The following ACMSD variants were observed in gnomAD, a reference collection of about 807,000 sequenced individuals.
ACMSD encodes aminocarboxymuconate semialdehyde decarboxylase.
A neutral mutation model predicts 45.9 loss-of-function variants in ACMSD; 37 were observed. The ratio of observed to expected loss-of-function variants is 0.81; its 90% CI spans 0.62 to 1.06. The LOEUF (loss-of-function observed/expected upper bound fraction) is 1.06. Ranked by LOEUF, ACMSD falls within the 50% of genes least tolerant of loss-of-function variation. The pLI, the probability that ACMSD is intolerant of heterozygous loss-of-function variation, is 0.00. For missense variants in ACMSD, 434 were observed against 420.9 expected, an observed-to-expected ratio of 1.03 and a Z score of -0.27; for synonymous variants, 138 against 148.8, an observed-to-expected ratio of 0.93 and a Z score of 0.53.
intron 1 of ACMSD, among the ~76,000 whole-genome samples, chr2:134,843,701 A>C (rs986373060): frequency 6.6e-6 from 1 of 152,222 alleles, no homozygotes; most frequent in Non-Finnish European, 1.5e-5. Flanking sequence ...ACCGCTGACC[A>C]ACTCAGAGCC....
At chr2:134,872,424 C>G in intron 7 of ACMSD, 45 bp from the exon 8 acceptor site, 1 of 1,611,080 alleles carries the variant, frequency 6.2e-7, no homozygotes, top group Non-Finnish European at 8.5e-7. Flanking sequence ...TAAAGGAATC[C>G]TTTACAATCA....
At chr2:134,888,462 G>C (rs2104940574) in intron 8 of ACMSD, among the ~76,000 whole-genome samples, 1 of 152,118 alleles carries the variant, frequency 6.6e-6, no homozygotes, top group African/African-American at 2.4e-5. Context: ...TTTACTCCTA[G>C]GTATTTACCT....
intron 2 of ACMSD, among the ~76,000 whole-genome samples, chr2:134,854,251 A>G (rs993057330): frequency 1.3e-5 from 2 of 152,208 alleles, no homozygotes; most frequent in African/African-American, 4.8e-5. Flanking sequence ...TAAGTTCTTT[A>G]CATTCTATGA....
intron 8 of ACMSD, among the ~76,000 whole-genome samples, chr2:134,891,997 T>G (rs1455809614): frequency 6.6e-6 from 1 of 152,124 alleles, no homozygotes; most frequent in East Asian, 1.9e-4. Context: ...AAATACCACA[T>G]GTTCTTACTT....
At position 134,840,179 on chromosome 2, in the gene ACMSD, A is replaced by C. The variant is rs918290804; in HGVS notation, c.57+1440A>C. The stretch of plus-strand genomic sequence containing the variant: ...AAACTATACCTAGCAAAAAAAAAAA[A>C]AAAAAAAAAAAAAACCACTAATTCC... On this transcript the variant is annotated intron_variant, in intron 1 of 9. Coordinates refer to ENST00000356140, the MANE Select transcript of ACMSD (RefSeq NM_138326.3). 1.9e-4 allele frequency among the ~76,000 whole-genome samples: 27 copies of C among 142,272 alleles called. 1 individual carries two copies. The South Asian group carries it at 6.4e-3, about 34-fold the overall frequency. 93.3% of individuals were successfully genotyped at this position (142,272 alleles called of 152,430 possible).
Position 134,859,256 on chromosome 2 carries a change from C to G in ACMSD, c.103-5C>G, listed in dbSNP as rs993720012. ...CATTTTAGTAATGTGGGTTTTCTGCCCCAGGGAGAAGCAAAGTTGTTGAAA... is the reference window on the plus strand; with the variant it reads ...CATTTTAGTAATGTGGGTTTTCTGCGCCAGGGAGAAGCAAAGTTGTTGAAA... On this transcript the variant is annotated splice_polypyrimidine_tract_variant and splice_region_variant and intron_variant, in intron 2 of 9. Coordinates refer to ENST00000356140, the MANE Select transcript of ACMSD (RefSeq NM_138326.3). The G allele has an allele frequency of 6.2e-7, 1 of 1,613,450 alleles. No individual in the cohort carries two copies.
chr2:134,867,601 C>A lies in ACMSD; in HGVS notation c.509C>A (p.Ser170Tyr). 6.2e-7 allele frequency: 1 copy of A among 1,613,960 alleles called. No individual in the cohort carries two copies. Among genetic ancestry groups the A allele is most frequent in the East Asian group, 2.2e-5 (1 of 44,872 alleles). Residue 170 changes from serine to tyrosine, a missense_variant, in exon 6 of 10, where the codon TCC (serine) becomes TAC (tyrosine). Physicochemically the swap from Ser to Tyr is moderately radical, Grantham distance 144 (BLOSUM62 -2). Coordinates refer to ENST00000356140, the MANE Select transcript of ACMSD (RefSeq NM_138326.3). Reference sequence around the variant, plus strand: ...AAGGCAGCCGAAAGGCTGAAGTGTTCCCTGTTCGTGCATCCCTGGGACATG... The same window carrying A: ...AAGGCAGCCGAAAGGCTGAAGTGTTACCTGTTCGTGCATCCCTGGGACATG... Reference protein sequence around the residue: ...VYAAAERLKCSLFVHPWDMQM... With the variant: ...VYAAAERLKCYLFVHPWDMQM...
intron 8 of ACMSD, among the ~76,000 whole-genome samples, chr2:134,882,824 C>T (rs1689113471): frequency 6.6e-6 from 1 of 152,190 alleles, no homozygotes; most frequent in African/African-American, 2.4e-5. Flanking sequence ...TAAGCCACAT[C>T]TTTGTGTTTG....
chr2:134,877,701 G>T (rs924648649), intron 8 of ACMSD: 1 of 142,470 alleles, frequency 7.0e-6, no homozygotes, highest in Admixed American at 7.0e-5. Flanking sequence ...GGGAAGAAGA[G>T]GGGGGGGAAA....
At chr2:134,883,667 G>T (rs1689168060) in intron 8 of ACMSD, among the ~76,000 whole-genome samples, 1 of 151,936 alleles carries the variant, frequency 6.6e-6, no homozygotes, top group Non-Finnish European at 1.5e-5. Flanking sequence ...CTAAATTTTT[G>T]ATTTTGTAGA....
intron 8 of ACMSD, among the ~76,000 whole-genome samples, chr2:134,888,261 T>C (rs1371087137): frequency 2.6e-5 from 4 of 152,160 alleles, no homozygotes; most frequent in African/African-American, 9.7e-5. Context: ...CCAATAAACA[T>C]ATTTAAAGGT....
intron 8 of ACMSD, among the ~76,000 whole-genome samples, chr2:134,885,303 T>TATG (rs1559064787): frequency 2.7e-4 from 28 of 102,576 alleles, no homozygotes; most frequent in South Asian, 1.7e-3. Flanking sequence ...ATATATATAT[T>TATG]TAAATATATA....
intron 8 of ACMSD, among the ~76,000 whole-genome samples, chr2:134,897,164 A>G (rs1315077232): frequency 1.3e-5 from 2 of 152,116 alleles, no homozygotes; most frequent in African/African-American, 4.8e-5. Context: ...AAAAAAAGAA[A>G]AGGGGATATT....
At chr2:134,860,215 A>G (rs899614905) in intron 3 of ACMSD, among the ~76,000 whole-genome samples, 2 of 152,206 alleles carry the variant, frequency 1.3e-5, no homozygotes, top group African/African-American at 4.8e-5. Context: ...GTGAGCCGAC[A>G]TTGCACCACC....
chr2:134,862,716 T>C (rs931787190), intron 4 of ACMSD, among the ~76,000 whole-genome samples: 1 of 152,220 alleles, frequency 6.6e-6, no homozygotes, highest in African/African-American at 2.4e-5. Context: ...AAAAGTGCCC[T>C]GAGACCTCAA....
intron 3 of ACMSD, among the ~76,000 whole-genome samples, chr2:134,861,193 T>C (rs1454211270): frequency 1.3e-5 from 2 of 152,180 alleles, no homozygotes; most frequent in African/African-American, 4.8e-5. Flanking sequence ...CATGCTTCCC[T>C]GACCTACAGC....
At chr2:134,857,748 G>A (rs1687650313) in intron 2 of ACMSD, 1 of 151,394 alleles carries the variant, frequency 6.6e-6, no homozygotes. Flanking sequence ...CCCTTGTCAT[G>A]TTCCTGATCT....
chr2:134,848,125 A>C (rs1372724625), intron 2 of ACMSD, among the ~76,000 whole-genome samples: 2 of 152,246 alleles, frequency 1.3e-5, no homozygotes, highest in African/African-American at 4.8e-5. Flanking sequence ...TGCTGGGATT[A>C]CAGGCGTGAG....
At chr2:134,885,144 G>A (rs111999127) in intron 8 of ACMSD, among the ~76,000 whole-genome samples, 34,157 of 145,948 alleles carry the variant, frequency 0.23, 4,253 homozygotes, top group East Asian at 0.4. Flanking sequence ...TGCAGTGAGC[G>A]GAGATCATGC....
Sources: allele counts gnomAD v4.1 joint callset (sites outside exome capture counted in the v4.1 genomes callset), GRCh38; gene constraint gnomAD v4.1.1; transcripts MANE v1.5; gene names NCBI Gene and HGNC (gene_info 2026-07-23, HGNC 2026-07-21).